The following IGSF3 variants were observed in gnomAD, a reference collection of about 807,000 sequenced individuals.
IGSF3 encodes glu-Trp-Ile EWI motif-containing protein 3.
Under a neutral mutation model 114.4 loss-of-function variants are expected in IGSF3, and 23 were observed. That is an observed-to-expected ratio of 0.20 (90% confidence interval 0.14 to 0.28). The LOEUF is 0.28. IGSF3 is among the 10% of genes least tolerant of loss of function. The probability of loss-of-function intolerance (pLI) is 1.00; values close to 1 mark genes in which losing one functional copy is unlikely to be tolerated. For missense variants in IGSF3, 1,172 were observed against 1,591.5 expected, an observed-to-expected ratio of 0.74 and a Z score of 4.48; for synonymous variants, 571 against 645.2, an observed-to-expected ratio of 0.88 and a Z score of 1.74.
chr1:116,607,579 T>C lies in IGSF3; in HGVS notation c.1222+363A>G, dbSNP rs180859135. Among the ~76,000 whole-genome samples the C allele has an allele frequency of 2.0e-4, 31 of 152,360 alleles. No homozygotes were observed. Among genetic ancestry groups the C allele is most frequent in the African/African-American group, 7.0e-4 (29 of 41,584 alleles). ...AAGGCAGGCATCTACCCACTTCTTC[T>C]GGGACTTGATTCCCACACAAGAGCA... On this transcript the variant is annotated intron_variant, in intron 5 of 10. Transcript: ENST00000369486. This position sits in a 1 kb window ranked among gnomAD's most constrained non-coding sequence, Gnocchi z 6.1.
chr1:116,641,495 C>CA (rs57930787), intron 2 of IGSF3, among the ~76,000 whole-genome samples: 6,060 of 40,622 alleles, frequency 0.15, 742 homozygotes, highest in Non-Finnish European at 0.19. Flanking sequence ...GACTCTGTCT[C>CA]AAAAAAAAAA....
rs1390346998 is a variant in IGSF3 at position 116,650,402 on chromosome 1, A to C, written c.43+15882T>G. Among the ~76,000 whole-genome samples, 3 of 152,250 alleles carry C rather than the reference A, an allele frequency of 2.0e-5. No individual in the cohort carries two copies. Among genetic ancestry groups the C allele is most frequent in the African/African-American group, 7.2e-5 (3 of 41,478 alleles). ...CCCTTCTGCATTTCCTTTTACAATG[A>C]AAAACATCTTTCCCAGAATCTCCCA... On this transcript the variant is annotated intron_variant, in intron 2 of 10. Coordinates refer to ENST00000369486, the MANE Select transcript of IGSF3 (RefSeq NM_001007237.3). This position sits in a 1 kb window ranked among gnomAD's most constrained non-coding sequence, Gnocchi z 5.0.
Position 116,588,717 on chromosome 1 carries a change from G to A in IGSF3, c.2417C>T (p.Thr806Ile). 1.2e-6 allele frequency: 2 copies of A among 1,607,308 alleles called. No homozygotes were observed. The highest frequency in any genetic ancestry group is 1.7e-6 in the Non-Finnish European group (2 of 1,176,314). The part of the protein sequence containing the change: ...YKLAEEVSGR[T>I]EVTVKQPDSR... ...ACCTGGCTGTTTCACAGTGACTTCTGTGCGCCCAGAAACCTCCTCTGCCAG... is the reference window on the plus strand; with the variant it reads ...ACCTGGCTGTTTCACAGTGACTTCTATGCGCCCAGAAACCTCCTCTGCCAG... The change falls in exon 8 of 11, where the codon ACA (threonine) becomes ATA (isoleucine). Residue 806 changes from threonine to isoleucine, a missense_variant. By Grantham distance (89) the Thr-to-Ile change is moderately conservative. This residue lies in a region of IGSF3 where 13 missense variants were observed against 39.7 expected (regional missense o/e 0.33). Transcript: ENST00000369486. This position sits in a 1 kb window ranked among gnomAD's most constrained non-coding sequence, Gnocchi z 4.9.
intron 2 of IGSF3, among the ~76,000 whole-genome samples, chr1:116,660,004 G>A (rs1649045542): frequency 1.3e-5 from 2 of 152,164 alleles, no homozygotes; most frequent in African/African-American, 4.8e-5. Context: ...TCAGCAACTG[G>A]GACTGCTTCC....
intron 2 of IGSF3, 149 bp downstream of exon 2, chr1:116,666,135 C>T (rs1362951494): frequency 2.6e-6 from 2 of 755,042 alleles, no homozygotes; most frequent in Middle Eastern, 2.3e-4. Context: ...CGGGCCTCTT[C>T]GTACTCTACT....
rs903865361 is a variant in IGSF3, at chr1:116,642,061, GC to G, written c.43+24222del. Among the ~76,000 whole-genome samples, 1 of 151,872 alleles carries G rather than the reference GC, an allele frequency of 6.6e-6. No individual in the cohort carries two copies. The highest frequency in any genetic ancestry group is 2.4e-5 in the African/African-American group (1 of 41,302). The stretch of plus-strand genomic sequence containing the variant: ...TAGGATTACAAGCATGAGCCACTGT[GC>G]CCCAGCCCAACATCAGATTTCAAAA... On this transcript the variant is annotated intron_variant, in intron 2 of 10. Transcript: ENST00000369486. The surrounding 1 kb of genome is among the most constrained non-coding windows in gnomAD (Gnocchi z 5.4).
At chr1:116,602,651 T>A (rs1483238650) in intron 6 of IGSF3, among the ~76,000 whole-genome samples, 1 of 152,256 alleles carries the variant, frequency 6.6e-6, no homozygotes, top group Non-Finnish European at 1.5e-5. Flanking sequence ...CCATCTTTAC[T>A]GGAAGTATCC....
At position 116,595,381 on chromosome 1, in the gene IGSF3, C is replaced by T. The variant is rs1434785957; in HGVS notation, c.2029+4560G>A. 6.6e-6 allele frequency among the ~76,000 whole-genome samples: 1 copy of T among 152,122 alleles called. No individual in the cohort carries two copies. Among genetic ancestry groups the T allele is most frequent in the African/African-American group, 2.4e-5 (1 of 41,408 alleles). On this transcript the variant is annotated intron_variant, in intron 7 of 10. Transcript: ENST00000369486. The surrounding 1 kb of genome is among the most constrained non-coding windows in gnomAD (Gnocchi z 4.2). ...ATGGAAGAAGGAGAACCCCAGACTC[C>T]CCTGAAAGAAGGCAGAGGCCAGTCC...
chr1:116,621,563 GATA>G (rs2101026008), intron 2 of IGSF3, among the ~76,000 whole-genome samples: 1 of 152,166 alleles, frequency 6.6e-6, no homozygotes, highest in East Asian at 1.9e-4. Context: ...GAAACTGTGA[GATA>G]ATAAACATCT....
chr1:116,581,189 G>A (rs1659585742), intron 9 of IGSF3, among the ~76,000 whole-genome samples: 1 of 152,110 alleles, frequency 6.6e-6, no homozygotes, highest in South Asian at 2.1e-4. Context: ...TGTGAGCACA[G>A]ATGTCTCAGG....
chr1:116,666,284 C>G lies in IGSF3; in HGVS notation c.43G>C (p.Gly15Arg), dbSNP rs1649329064. 1 of 1,613,840 alleles carries G rather than the reference C, an allele frequency of 6.2e-7. No homozygotes were observed. Among genetic ancestry groups the G allele is most frequent in the African/African-American group, 1.3e-5 (1 of 74,896 alleles). Residue 15 changes from glycine (G) to arginine (R), a missense_variant and splice_region_variant, in exon 2 of 11, where the codon GGT becomes CGT. Coordinates refer to ENST00000369486, the MANE Select transcript of IGSF3 (RefSeq NM_001007237.3). ...TGCACTGATAAGCAGAGCCACTTAC[C>G]CAGCACAGCCAGACAGCTCAGCACC... ...FPVLSCLAVL[G>R]VVSAQRQVTV...
At chr1:116,663,726 T>A (rs1286655208) in intron 2 of IGSF3, among the ~76,000 whole-genome samples, 1 of 152,142 alleles carries the variant, frequency 6.6e-6, no homozygotes, top group Non-Finnish European at 1.5e-5. Flanking sequence ...TTGAGGGAGA[T>A]GAAAGCGTCT....
intron 4 of IGSF3, among the ~76,000 whole-genome samples, chr1:116,611,326 T>C (rs1273082486): frequency 6.6e-6 from 1 of 152,176 alleles, no homozygotes; most frequent in Non-Finnish European, 1.5e-5. Context: ...CTGCCCAACA[T>C]AGTTGAAGCA....
At chr1:116,590,585 G>GC in intron 7 of IGSF3, among the ~76,000 whole-genome samples, 1 of 152,260 alleles carries the variant, frequency 6.6e-6, no homozygotes, top group South Asian at 2.1e-4. Context: ...GAGGGCAGGG[G>GC]CAGGGGCAGG....
At position 116,589,493 on chromosome 1, in the gene IGSF3, C is replaced by G. The variant is rs1660000521; in HGVS notation, c.2030-389G>C. Among the ~76,000 whole-genome samples the G allele has an allele frequency of 6.6e-6, 1 of 152,116 alleles. No individual in the cohort carries two copies. The highest frequency in any genetic ancestry group is 2.1e-4 in the South Asian group (1 of 4,830). ...TCACAGCACAAAGTCCCTTCAGGATCTGGCCTTCACCCAAGTGTCCTGACT... is the reference window on the plus strand; with the variant it reads ...TCACAGCACAAAGTCCCTTCAGGATGTGGCCTTCACCCAAGTGTCCTGACT... On this transcript the variant is annotated intron_variant, in intron 7 of 10. Coordinates refer to ENST00000369486, the MANE Select transcript of IGSF3 (RefSeq NM_001007237.3). The surrounding 1 kb of genome is among the most constrained non-coding windows in gnomAD (Gnocchi z 5.7).
rs186401091 is a variant in IGSF3 at position 116,603,525 on chromosome 1, T to C, written c.1624+99A>G. On this transcript the variant is annotated intron_variant, in intron 6 of 10. Coordinates refer to ENST00000369486, the MANE Select transcript of IGSF3 (RefSeq NM_001007237.3). The surrounding 1 kb of genome is among the most constrained non-coding windows in gnomAD (Gnocchi z 7.1). ...TCTATAGGTAAAAGACTGGCCATAG[T>C]TTCCTGCTAAAACTCTGACTGAGAA... 4.5e-3 allele frequency: 5,459 copies of C among 1,203,848 alleles called. 27 individuals carry two copies. The highest frequency in any genetic ancestry group is 5.6e-3 in the Non-Finnish European group (4,766 of 844,160). The allele number at this position is 1,203,848 out of a possible 1,614,324, so 74.6% of individuals were successfully genotyped here. A position where few individuals can be genotyped will look rare whatever the true frequency, so the allele number is the denominator to read the frequency against.
chr1:116,583,953 G>A lies in IGSF3; in HGVS notation c.2848+692C>T, dbSNP rs901275151. Among the ~76,000 whole-genome samples the A allele has an allele frequency of 6.6e-6, 1 of 152,286 alleles. No individual in the cohort carries two copies. The highest frequency in any genetic ancestry group is 1.5e-5 in the Non-Finnish European group (1 of 68,014). On this transcript the variant is annotated intron_variant, in intron 9 of 10. Coordinates refer to ENST00000369486, the MANE Select transcript of IGSF3 (RefSeq NM_001007237.3). This position sits in a 1 kb window ranked among gnomAD's most constrained non-coding sequence, Gnocchi z 4.5. ...TGTAATCCCACCACTTTGAAAAGCCGAGGCGGTGGTGGGGGTCACGAGGTC... is the reference window on the plus strand; with the variant it reads ...TGTAATCCCACCACTTTGAAAAGCCAAGGCGGTGGTGGGGGTCACGAGGTC...
In IGSF3 at chr1:116,579,908, G is replaced by A; in HGVS notation, c.2849-31C>T. ...GAATGACAAGGGACAAACAGGGAAGGGGTTGTTTAAATTTATTTGCTCAAA... is the reference window on the plus strand; with the variant it reads ...GAATGACAAGGGACAAACAGGGAAGAGGTTGTTTAAATTTATTTGCTCAAA... On this transcript the variant is annotated intron_variant, in intron 9 of 10. Coordinates refer to ENST00000369486, the MANE Select transcript of IGSF3 (RefSeq NM_001007237.3). This position sits in a 1 kb window ranked among gnomAD's most constrained non-coding sequence, Gnocchi z 6.4. The A allele has an allele frequency of 6.5e-7, 1 of 1,549,020 alleles. No individual in the cohort carries two copies.
intron 4 of IGSF3, among the ~76,000 whole-genome samples, chr1:116,611,033 C>T (rs1348716019): frequency 6.6e-6 from 1 of 152,190 alleles, no homozygotes; most frequent in Non-Finnish European, 1.5e-5. Flanking sequence ...ACAGTTGGAC[C>T]CCTCCTTCCA....
Sources: allele counts gnomAD v4.1 joint callset (sites outside exome capture counted in the v4.1 genomes callset), GRCh38; gene constraint gnomAD v4.1.1; regional missense constraint gnomAD v4.1.1; non-coding constraint Gnocchi (gnomAD v3.1); transcripts MANE v1.5; gene names NCBI Gene and HGNC (gene_info 2026-07-23, HGNC 2026-07-21).